Variants in GDAP1 observed in about 807,000 individuals in gnomAD.
GDAP1 encodes the protein ganglioside-induced differentiation-associated protein 1.
Under a neutral mutation model 40.1 loss-of-function variants are expected in GDAP1, and 34 were observed. That is an observed-to-expected ratio of 0.85 (90% confidence interval 0.64 to 1.13). The LOEUF is 1.13. GDAP1 is among the 50% of genes most tolerant of loss of function. The probability of loss-of-function intolerance (pLI) is 0.00; values close to 1 mark genes in which losing one functional copy is unlikely to be tolerated. For synonymous variants in GDAP1, 170 were observed against 157.4 expected (o/e 1.08, Z -0.60); for missense variants, 374 against 433.7 (o/e 0.86, Z 1.22).
chr8:74,389,155 A>C (rs1362542917), intron 2 of GDAP1, among the ~76,000 whole-genome samples: 1 of 152,212 alleles, frequency 6.6e-6, no homozygotes, highest in Non-Finnish European at 1.5e-5. Flanking sequence ...TGTGTCTTTA[A>C]TTGAGGCATT....
At chr8:74,375,368 CAAAACTCCTCA>C (rs1809835687) in intron 2 of GDAP1, among the ~76,000 whole-genome samples, 1 of 151,888 alleles carries the variant, frequency 6.6e-6, no homozygotes, top group Admixed American at 6.6e-5. Flanking sequence ...ACTGTAGATT[CAAAACTCCTCA>C]ATAAAGTGTA....
chr8:74,430,359 G>A (rs937725036), intron 2 of GDAP1, among the ~76,000 whole-genome samples: 4 of 152,174 alleles, frequency 2.6e-5, no homozygotes, highest in Non-Finnish European at 5.9e-5. Context: ...ATATCTACTG[G>A]AGTAGCATAA....
At chr8:74,355,398 T>C (rs954648015) in intron 2 of GDAP1, among the ~76,000 whole-genome samples, 1 of 152,230 alleles carries the variant, frequency 6.6e-6, no homozygotes, top group African/African-American at 2.4e-5. Flanking sequence ...TTTCTATAAG[T>C]TTGCTGATAA....
chr8:74,466,964 A>G (rs1433824100), intron 2 of GDAP1, among the ~76,000 whole-genome samples: 2 of 152,216 alleles, frequency 1.3e-5, no homozygotes, highest in African/African-American at 4.8e-5. Context: ...TCAATAAGGA[A>G]TCACGGACTC....
chr8:74,393,441 A>G (rs1233887610), intron 2 of GDAP1, among the ~76,000 whole-genome samples: 1 of 152,206 alleles, frequency 6.6e-6, no homozygotes, highest in Non-Finnish European at 1.5e-5. Flanking sequence ...GTTTAGATGG[A>G]AAAACTTGGC....
At chr8:74,439,511 A>G (rs770062766) in intron 2 of GDAP1, among the ~76,000 whole-genome samples, 14 of 152,016 alleles carry the variant, frequency 9.2e-5, no homozygotes, top group Non-Finnish European at 1.5e-4. Context: ...ACTATATTTT[A>G]TAATAGGTCT....
At chr8:74,483,588 T>TA (rs1176147673) in intron 2 of GDAP1, among the ~76,000 whole-genome samples, 1 of 152,166 alleles carries the variant, frequency 6.6e-6, no homozygotes, top group Non-Finnish European at 1.5e-5. Flanking sequence ...TATATACATT[T>TA]AAAGCAGTGT....
chr8:74,382,606 A>G (rs1586816469), intron 2 of GDAP1, among the ~76,000 whole-genome samples: 2 of 152,188 alleles, frequency 1.3e-5, no homozygotes, highest in Non-Finnish European at 1.5e-5. Context: ...GGCAAATACT[A>G]CTTTTAAATT....
At chr8:74,471,538 A>G (rs947318772) in intron 2 of GDAP1, among the ~76,000 whole-genome samples, 12 of 151,912 alleles carry the variant, frequency 7.9e-5, no homozygotes, top group Non-Finnish European at 1.6e-4. Context: ...TATTTTAAAT[A>G]TTTAAATGAT....
At position 74,364,104 on chromosome 8, in the gene GDAP1, A is replaced by G. The variant is rs1436083862; in HGVS notation, c.814A>G (p.Lys272Glu). The part of the protein sequence containing the change: ...GFARRNWGNG[K>E]RPNLETYYER... ...TGCAAGGAGAAACTGGGGAAACGGA[A>G]AGCGACCAAACTTGGAAACCTATTA... Residue 272 changes from lysine to glutamate, a missense_variant, in exon 6 of 6, where the codon AAG becomes GAG. Transcript: ENST00000220822. The G allele has an allele frequency of 2.5e-6, 4 of 1,614,212 alleles. No homozygotes were observed. Among genetic ancestry groups the G allele is most frequent in the Non-Finnish European group, 3.4e-6 (4 of 1,180,032 alleles).
intron 2 of GDAP1, among the ~76,000 whole-genome samples, chr8:74,373,150 G>A (rs1390240721): frequency 6.6e-6 from 1 of 152,136 alleles, no homozygotes; most frequent in African/African-American, 2.4e-5. Flanking sequence ...TGCTGTTTTG[G>A]TTACTGTAGC....
chr8:74,410,642 G>A (rs969827593), intron 2 of GDAP1, among the ~76,000 whole-genome samples: 1 of 150,020 alleles, frequency 6.7e-6, no homozygotes, highest in African/African-American at 2.5e-5. Context: ...GTTCCAAGGA[G>A]TCCACTGACA....
At chr8:74,391,190 T>G (rs1219671729) in intron 2 of GDAP1, among the ~76,000 whole-genome samples, 1 of 151,830 alleles carries the variant, frequency 6.6e-6, no homozygotes, top group Non-Finnish European at 1.5e-5. Context: ...TAGTGAACGG[T>G]TCGGTCTCGC....
At chr8:74,376,941 C>T (rs1287237231) in intron 2 of GDAP1, 4 of 151,894 alleles carry the variant, frequency 2.6e-5, no homozygotes, top group South Asian at 2.1e-4. Flanking sequence ...GCATGGGGGT[C>T]GATTCTGTTT....
At chr8:74,357,789 G>C (rs535487019) in intron 2 of GDAP1, among the ~76,000 whole-genome samples, 228 of 152,148 alleles carry the variant, frequency 1.5e-3, no homozygotes, top group Non-Finnish European at 2.6e-3. Context: ...TATGCCTTAT[G>C]TTGCTTTCCC....
chr8:74,363,128 A>G lies in GDAP1; in HGVS notation c.694+75A>G, dbSNP rs16938895. ...ATGGGAACATTCTTAGGTCTCACCAAAAACGTTCTGTAATCTGCTTTTCAT... is the reference window on the plus strand; with the variant it reads ...ATGGGAACATTCTTAGGTCTCACCAGAAACGTTCTGTAATCTGCTTTTCAT... On this transcript the variant is annotated intron_variant, in intron 5 of 5. Coordinates refer to ENST00000220822, the MANE Select transcript of GDAP1 (RefSeq NM_018972.4). 0.013 allele frequency: 9,824 copies of G among 779,442 alleles called. 625 individuals carry two copies. The African/African-American group carries it at 0.14, about 11-fold the overall frequency. 48.3% of individuals were successfully genotyped at this position (779,442 alleles called of 1,614,324 possible).
intron 2 of GDAP1, among the ~76,000 whole-genome samples, chr8:74,412,962 G>A (rs1426904636): frequency 6.8e-6 from 1 of 147,480 alleles, no homozygotes; most frequent in Non-Finnish European, 1.5e-5. Context: ...AGCTACTTGG[G>A]AGGCTGAGGC....
At chr8:74,363,279 T>C (rs561388116) in intron 5 of GDAP1, among the ~76,000 whole-genome samples, 4 of 152,368 alleles carry the variant, frequency 2.6e-5, no homozygotes, top group East Asian at 3.9e-4. Context: ...ATTTAAATTA[T>C]GCTTGGGAGA....
intron 2 of GDAP1, among the ~76,000 whole-genome samples, chr8:74,352,605 A>G (rs550524570): frequency 6.6e-6 from 1 of 152,380 alleles, no homozygotes; most frequent in South Asian, 2.1e-4. Flanking sequence ...TCTAAGTGCT[A>G]GTCCCCTAGG....
Sources: gnomAD v4.1 joint callset for allele counts (sites outside exome capture counted in the v4.1 genomes callset) on GRCh38, gnomAD v4.1.1 for gene constraint, MANE v1.5 for transcripts, NCBI Gene and HGNC (gene_info 2026-07-23, HGNC 2026-07-21) for gene names.